KIF1B: variants seen among roughly 807,000 people sequenced by gnomAD.
The protein encoded by KIF1B is kinesin family member 1B, also known as kinesin-like protein KIF1B.
Under a neutral mutation model 241.9 loss-of-function variants are expected in KIF1B, and 76 were observed. The ratio of observed to expected loss-of-function variants is 0.31; its 90% CI spans 0.26 to 0.38. The LOEUF (loss-of-function observed/expected upper bound fraction) is 0.38. Ranked by LOEUF, KIF1B falls within the 10% of genes least tolerant of loss-of-function variation. The probability of loss-of-function intolerance (pLI) is 1.00; values close to 1 mark genes in which losing one functional copy is unlikely to be tolerated. For synonymous variants in KIF1B, 750 were observed against 796.7 expected, an observed-to-expected ratio of 0.94 and a Z score of 0.99; for missense variants, 1,622 against 2,271.4, an observed-to-expected ratio of 0.71 and a Z score of 5.81.
intron 41 of KIF1B, among the ~76,000 whole-genome samples, chr1:10,364,671 A>T (rs1207691470): frequency 6.6e-6 from 1 of 152,148 alleles, no homozygotes; most frequent in Non-Finnish European, 1.5e-5. Context: ...AAAATCCCAT[A>T]TATCTTCAGA....
At chr1:10,349,876 G>A (rs1410658834) in intron 37 of KIF1B, among the ~76,000 whole-genome samples, 1 of 152,172 alleles carries the variant, frequency 6.6e-6, no homozygotes, top group Non-Finnish European at 1.5e-5. Flanking sequence ...GGATTACAAA[G>A]GAAACCGATA....
At chr1:10,295,805 C>A in intron 19 of KIF1B, 39 bp downstream of exon 19, 1 of 1,483,184 alleles carries the variant, frequency 6.7e-7, no homozygotes, top group South Asian at 1.1e-5. Flanking sequence ...ACAACATTTT[C>A]ATTTTATATT....
chr1:10,296,705 C>T (rs768592000), intron 20 of KIF1B, 40 bp downstream of exon 20: 5 of 1,562,328 alleles, frequency 3.2e-6, no homozygotes, highest in Non-Finnish European at 4.4e-6. Context: ...GCAATGTGCA[C>T]ATGGCTTCTG....
rs1646678824 is a variant in KIF1B, at chr1:10,210,592, G to A, written c.-366G>A. On this transcript the variant is annotated 5_prime_UTR_variant, in exon 1 of 49. Transcript: ENST00000676179. This position sits in a 1 kb window ranked among gnomAD's most constrained non-coding sequence, Gnocchi z 4.1. ...GGCAGTGTGACGGCAGCGGTCCTGG[G>A]AGGCGCCCGCGCGCGTCGGAGCAGC... Among the ~76,000 whole-genome samples, 1 of 152,020 alleles carries A rather than the reference G, an allele frequency of 6.6e-6. No homozygotes were observed. Among genetic ancestry groups the A allele is most frequent in the Admixed American group, 6.5e-5 (1 of 15,270 alleles).
chr1:10,276,498 A>T, intron 12 of KIF1B, 99 bp downstream of exon 12: 1 of 786,506 alleles, frequency 1.3e-6, no homozygotes, highest in Non-Finnish European at 2.2e-6. Context: ...GTAGTTATTT[A>T]TGTAAATAAT....
chr1:10,368,354 C>T (rs1638633222), intron 43 of KIF1B, 113 bp from the exon 44 acceptor site: 1 of 810,996 alleles, frequency 1.2e-6, no homozygotes, highest in Admixed American at 1.8e-5. Context: ...GTGGAGCTTC[C>T]ATGCCCTCCC....
intron 1 of KIF1B, among the ~76,000 whole-genome samples, chr1:10,214,291 CTT>C (rs1167368226): frequency 6.6e-6 from 1 of 151,028 alleles, no homozygotes; most frequent in African/African-American, 2.4e-5. Flanking sequence ...TTCTTTCTTT[CTT>C]TCTTTTTTTT....
At chr1:10,292,623 T>C (rs1167649770) in intron 17 of KIF1B, among the ~76,000 whole-genome samples, 1 of 152,262 alleles carries the variant, frequency 6.6e-6, no homozygotes, top group African/African-American at 2.4e-5. Flanking sequence ...CCTATCCTTC[T>C]AGACTCCTCT....
intron 11 of KIF1B, 74 bp from the exon 12 acceptor site, chr1:10,276,247 T>A: frequency 1.1e-6 from 1 of 948,314 alleles, no homozygotes; most frequent in Non-Finnish European, 1.7e-6. Context: ...GATTACAATA[T>A]CAGATTTGAC....
chr1:10,337,598 G>C lies in KIF1B; in HGVS notation c.3422+65G>C. 2 of 1,543,394 alleles carry C rather than the reference G, an allele frequency of 1.3e-6. No individual in the cohort carries two copies. Among genetic ancestry groups the C allele is most frequent in the East Asian group, 2.2e-5 (1 of 44,548 alleles). On this transcript the variant is annotated intron_variant, in intron 31 of 48. Transcript: ENST00000676179. The surrounding 1 kb of genome is among the most constrained non-coding windows in gnomAD (Gnocchi z 4.0). ...ACCGAGGTGACATCTCTTGTGCACT[G>C]TAGAGTGCTTTACATGTGTGAGGGA...
intron 47 of KIF1B, 59 bp from the exon 48 acceptor site, chr1:10,375,196 G>A: frequency 1.3e-6 from 2 of 1,499,908 alleles, no homozygotes; most frequent in Non-Finnish European, 1.9e-6. Context: ...AATATGGCAA[G>A]GCAGTCCCCA....
chr1:10,362,634 T>G (rs998245591), intron 40 of KIF1B, among the ~76,000 whole-genome samples: 12 of 152,196 alleles, frequency 7.9e-5, no homozygotes, highest in African/African-American at 2.9e-4. Flanking sequence ...AGTTGTTGAT[T>G]ATCATTTCAT....
chr1:10,274,868 G>A (rs1258974482), intron 10 of KIF1B: 3 of 355,984 alleles, frequency 8.4e-6, no homozygotes, highest in African/African-American at 4.5e-5. Flanking sequence ...TAATGGTCCT[G>A]TGGTGTTTTG....
At chr1:10,250,280 C>T (rs536373892) in intron 2 of KIF1B, among the ~76,000 whole-genome samples, 4 of 151,772 alleles carry the variant, frequency 2.6e-5, no homozygotes, top group Non-Finnish European at 4.4e-5. Context: ...ATTTTAGAGA[C>T]GACACAGACG....
intron 39 of KIF1B, 140 bp downstream of exon 39, chr1:10,361,183 T>G: frequency 2.8e-6 from 2 of 712,998 alleles, no homozygotes; most frequent in Non-Finnish European, 5.1e-6. Context: ...CATTTTATTA[T>G]ACATTGCTAA....
rs868389032 is a variant in KIF1B at position 10,343,253 on chromosome 1, A to G, written c.3654A>G (p.Arg1218=). The G allele has an allele frequency of 1.1e-5, 17 of 1,614,142 alleles. No homozygotes were observed. The Middle Eastern group carries it at 2.6e-3, about 251-fold the overall frequency. Reference sequence around the variant, plus strand: ...GCAGTCCGCCTCAGCCGTGCCGCCGATTCTTCCCTCCACCCATGCCACTGT... The same window carrying G: ...GCAGTCCGCCTCAGCCGTGCCGCCGGTTCTTCCCTCCACCCATGCCACTGT... ...ELNSPPQPCR[R]FFPPPMPLSK... The change falls in exon 34 of 49, where the codon CGA becomes CGG. Residue 1218 remains arginine, a synonymous_variant. Coordinates refer to ENST00000676179, the MANE Select transcript of KIF1B (RefSeq NM_001365951.3).
At chr1:10,259,774 G>T (rs1648020077) in intron 4 of KIF1B, among the ~76,000 whole-genome samples, 1 of 151,738 alleles carries the variant, frequency 6.6e-6, no homozygotes, top group Non-Finnish European at 1.5e-5. Flanking sequence ...TGCAGGGATT[G>T]CAGGCATGAG....
In KIF1B at chr1:10,326,367, A is replaced by G; in HGVS notation, c.2924+8A>G. ...GTTCATTTTAGTGGGAAGGTTGGTGAGGTTATTGTGAGAAAGGCGAAAAGG... is the reference window on the plus strand; with the variant it reads ...GTTCATTTTAGTGGGAAGGTTGGTGGGGTTATTGTGAGAAAGGCGAAAAGG... On this transcript the variant is annotated splice_region_variant and intron_variant, in intron 27 of 48. Transcript: ENST00000676179. The surrounding 1 kb of genome is among the most constrained non-coding windows in gnomAD (Gnocchi z 5.2). 1 of 1,614,040 alleles carries G rather than the reference A, an allele frequency of 6.2e-7. No individual in the cohort carries two copies. The highest frequency in any genetic ancestry group is 8.5e-7 in the Non-Finnish European group (1 of 1,180,022).
chr1:10,254,253 C>T (rs965062633), intron 2 of KIF1B, among the ~76,000 whole-genome samples: 1 of 152,160 alleles, frequency 6.6e-6, no homozygotes, highest in African/African-American at 2.4e-5. Context: ...GGTGAGACTT[C>T]ATGCATTTCA....
Sources: gnomAD v4.1 joint callset for allele counts (sites outside exome capture counted in the v4.1 genomes callset) on GRCh38, gnomAD v4.1.1 for gene constraint, Gnocchi (gnomAD v3.1) non-coding constraint, MANE v1.5 for transcripts, NCBI Gene and HGNC (gene_info 2026-07-23, HGNC 2026-07-21) for gene names.